The following BMERB1 variants were observed in gnomAD, a reference collection of about 807,000 sequenced individuals.
The protein encoded by BMERB1 is bMERB domain-containing protein 1.
In BMERB1, 12 loss-of-function variants were observed where a neutral mutation model predicts 23.6. The observed-to-expected ratio is 0.51, with a 90% CI of 0.33 to 0.82. The LOEUF (loss-of-function observed/expected upper bound fraction) is 0.82, where lower values mean the gene tolerates loss of function less well. BMERB1 is among the 40% of genes least tolerant of loss of function. The pLI is 0.03. For synonymous variants in BMERB1, 122 were observed against 96.6 expected (o/e 1.26, Z -1.54); for missense variants, 247 against 255.4 (o/e 0.97, Z 0.22).
intron 1 of BMERB1, among the ~76,000 whole-genome samples, chr16:15,441,427 A>C (rs1437074356): frequency 6.6e-6 from 1 of 150,882 alleles, no homozygotes; most frequent in East Asian, 1.9e-4. Context: ...TCTCTTGCCC[A>C]GGCTGGAGTG....
intron 1 of BMERB1, among the ~76,000 whole-genome samples, chr16:15,473,235 C>T (rs1365281268): frequency 6.6e-6 from 1 of 151,478 alleles, no homozygotes; most frequent in African/African-American, 2.4e-5. Context: ...AACTAAAGTT[C>T]CAAGCCTTCT....
At position 15,565,541 on chromosome 16, in the gene BMERB1, T is replaced by C. The variant is rs35922638; in HGVS notation, c.231-2442T>C. ...TCAGAGATGACAACAATGCCCAACA[T>C]AGTAGATGTTCAATAAAGACGTGCA... On this transcript the variant is annotated intron_variant, in intron 2 of 5. Coordinates refer to ENST00000300006, the MANE Select transcript of BMERB1 (RefSeq NM_033201.3). Among the ~76,000 whole-genome samples the C allele has an allele frequency of 3.4e-3, 513 of 152,252 alleles. 4 individuals are homozygous for C. Among genetic ancestry groups the C allele is most frequent in the Non-Finnish European group, 5.4e-3 (368 of 68,020 alleles).
chr16:15,495,419 G>C (rs374577521), intron 1 of BMERB1, among the ~76,000 whole-genome samples: 47 of 152,040 alleles, frequency 3.1e-4, no homozygotes, highest in African/African-American at 1.1e-3. Context: ...AGGCTGGAGT[G>C]CAGTGGCATG....
At chr16:15,447,959 G>A (rs776715381) in intron 1 of BMERB1, 10 of 454,438 alleles carry the variant, frequency 2.2e-5, no homozygotes, top group Middle Eastern at 3.9e-4. Context: ...GCGTGATCAC[G>A]GCTCACTTCA....
chr16:15,577,861 C>T (rs914796302), intron 3 of BMERB1, among the ~76,000 whole-genome samples: 4 of 152,198 alleles, frequency 2.6e-5, no homozygotes, highest in African/African-American at 9.7e-5. Context: ...AGTTAGACTC[C>T]GCCATTTTGC....
rs118186644 is a variant in BMERB1, at chr16:15,450,120, G to A, written c.106+15361G>A. On this transcript the variant is annotated intron_variant, in intron 1 of 5. Transcript: ENST00000300006. Reference sequence around the variant, plus strand: ...GTGCAGGTCATATGGCCCCTGTTGCGACCACTCAGCTCTACCACCGTACTC... The same window carrying A: ...GTGCAGGTCATATGGCCCCTGTTGCAACCACTCAGCTCTACCACCGTACTC... 5.6e-3 allele frequency among the ~76,000 whole-genome samples: 857 copies of A among 151,938 alleles called. 16 individuals are homozygous for A. The East Asian group carries it at 0.079, about 14-fold the overall frequency.
chr16:15,534,044 G>A (rs1598501479), intron 2 of BMERB1, among the ~76,000 whole-genome samples: 3 of 151,920 alleles, frequency 2.0e-5, no homozygotes, highest in South Asian at 4.2e-4. Flanking sequence ...ATGAAACTCA[G>A]ATGCTTCACT....
chr16:15,582,135 C>T (rs999449127), intron 4 of BMERB1, among the ~76,000 whole-genome samples: 14 of 152,222 alleles, frequency 9.2e-5, no homozygotes, highest in Non-Finnish European at 2.1e-4. Context: ...CAGTGGCTGA[C>T]GCCTGTAATC....
chr16:15,441,895 A>G (rs150508648), intron 1 of BMERB1, among the ~76,000 whole-genome samples: 11 of 152,286 alleles, frequency 7.2e-5, no homozygotes, highest in Admixed American at 2.6e-4. Context: ...GTGATGATCA[A>G]TGCAAGCAGC....
At chr16:15,568,676 A>C (rs2030645298) in intron 3 of BMERB1, among the ~76,000 whole-genome samples, 1 of 152,150 alleles carries the variant, frequency 6.6e-6, no homozygotes, top group Non-Finnish European at 1.5e-5. Context: ...ATATCATAAA[A>C]ATCGATGAGA....
intron 2 of BMERB1, among the ~76,000 whole-genome samples, chr16:15,531,714 C>A (rs75171873): frequency 2.0e-5 from 3 of 152,110 alleles, no homozygotes; most frequent in Non-Finnish European, 4.4e-5. Flanking sequence ...TTGCATGTAC[C>A]GTGGCCTGGC....
intron 3 of BMERB1, chr16:15,577,108 T>G (rs559870626): frequency 6.6e-6 from 1 of 152,216 alleles, no homozygotes; most frequent in Non-Finnish European, 1.5e-5. Context: ...GGCGGCGCCA[T>G]GTTGTCTTCT....
intron 5 of BMERB1, among the ~76,000 whole-genome samples, chr16:15,584,645 A>C (rs1209602618): frequency 6.6e-6 from 1 of 152,146 alleles, no homozygotes; most frequent in Non-Finnish European, 1.5e-5. Context: ...GAGAAAGAGC[A>C]ACAAGAACTA....
At chr16:15,539,843 AAAAAAAAAAAAG>A (rs2052061547) in intron 2 of BMERB1, among the ~76,000 whole-genome samples, 1 of 144,320 alleles carries the variant, frequency 6.9e-6, no homozygotes, top group Non-Finnish European at 1.5e-5. Context: ...TTCCGTCTCA[AAAAAAAAAAAAG>A]AAAAAGAAAA....
intron 2 of BMERB1, among the ~76,000 whole-genome samples, chr16:15,540,542 A>G (rs2052068470): frequency 6.6e-6 from 1 of 152,158 alleles, no homozygotes; most frequent in South Asian, 2.1e-4. Flanking sequence ...TAATAATAAT[A>G]GAGAGGGCTT....
chr16:15,448,944 G>A lies in BMERB1; in HGVS notation c.106+14185G>A, dbSNP rs549217053. Among the ~76,000 whole-genome samples, 98 of 152,330 alleles carry A rather than the reference G, an allele frequency of 6.4e-4. 3 individuals are homozygous for A. The South Asian group carries it at 0.017, about 26-fold the overall frequency. The stretch of plus-strand genomic sequence containing the variant: ...AATGGGAACCGGCAGCCAAGTGACA[G>A]TGTTGTGATGGGTATAGGCTGGGCT... On this transcript the variant is annotated intron_variant, in intron 1 of 5. Transcript: ENST00000300006.
At chr16:15,471,931 C>T (rs2051232466) in intron 1 of BMERB1, among the ~76,000 whole-genome samples, 1 of 152,162 alleles carries the variant, frequency 6.6e-6, no homozygotes, top group Non-Finnish European at 1.5e-5. Context: ...AGTACAGTCT[C>T]TGTATCACAT....
At chr16:15,569,085 G>A (rs962283934) in intron 3 of BMERB1, among the ~76,000 whole-genome samples, 2 of 151,910 alleles carry the variant, frequency 1.3e-5, no homozygotes, top group African/African-American at 4.8e-5. Flanking sequence ...GGGTGGTGGC[G>A]GGTGCCTGTA....
chr16:15,448,067 T>C (rs1422314247), intron 1 of BMERB1: 1 of 375,552 alleles, frequency 2.7e-6, no homozygotes, highest in Non-Finnish European at 5.3e-6. Context: ...TTTTTGTACT[T>C]TTAGTAGAGA....
Sources: allele counts gnomAD v4.1 joint callset (sites outside exome capture counted in the v4.1 genomes callset), GRCh38; gene constraint gnomAD v4.1.1; transcripts MANE v1.5; gene names NCBI Gene and HGNC (gene_info 2026-07-23, HGNC 2026-07-21).